Variants in RNF220 observed in about 807,000 individuals in gnomAD.
RNF220 encodes the protein ring finger protein 220, also known as E3 ubiquitin-protein ligase RNF220.
A neutral mutation model predicts 67.1 loss-of-function variants in RNF220; 7 were observed. That is an observed-to-expected ratio of 0.10 (90% CI 0.06 to 0.20). RNF220 has a LOEUF of 0.20. Among genes scored for constraint, RNF220 ranks in the 10% least tolerant of loss-of-function variants. The probability of loss-of-function intolerance (pLI) is 1.00; values close to 1 mark genes in which losing one functional copy is unlikely to be tolerated. For missense variants in RNF220, 565 were observed against 740.3 expected, an observed-to-expected ratio of 0.76 and a Z score of 2.75; for synonymous variants, 270 against 283.2, an observed-to-expected ratio of 0.95 and a Z score of 0.47.
chr1:44,631,289 C>A (rs774283786), intron 5 of RNF220, among the ~76,000 whole-genome samples: 1 of 152,200 alleles, frequency 6.6e-6, no homozygotes, highest in African/African-American at 2.4e-5. Context: ...GTAGGAGATA[C>A]AGAGGTGGAG....
chr1:44,635,792 C>T (rs957888104), intron 7 of RNF220: 13 of 1,334,288 alleles, frequency 9.7e-6, no homozygotes, highest in Admixed American at 2.7e-5. Flanking sequence ...TCCCTTCTGA[C>T]CACTGCTCTC....
In RNF220 at chr1:44,614,281, G is replaced by A. The variant is rs1286562459; in HGVS notation, c.742G>A (p.Ala248Thr). Residue 248 changes from alanine to threonine, a missense_variant, in exon 3 of 15, where the codon GCC (alanine) becomes ACC (threonine). By Grantham distance (58) the Ala-to-Thr change is moderately conservative (BLOSUM62 0). Transcript: ENST00000361799. ...TATGGAGCAGGAACTGGAGCAGCTA[G>A]CCCAACTGCCCTCGAGGTAAGCCAC... is the stretch of plus-strand genomic sequence containing the variant. ...EHMEQELEQL[A>T]QLPSSKNSLL... 1.2e-6 allele frequency: 2 copies of A among 1,613,966 alleles called. No individual in the cohort carries two copies. The highest frequency in any genetic ancestry group is 1.7e-6 in the Non-Finnish European group (2 of 1,179,890).
chr1:44,425,476 G>C (rs896663909), intron 2 of RNF220, among the ~76,000 whole-genome samples: 3 of 152,082 alleles, frequency 2.0e-5, no homozygotes, highest in Admixed American at 6.5e-5. Flanking sequence ...TACTCACTTG[G>C]ACATAGTCTG....
intron 2 of RNF220, among the ~76,000 whole-genome samples, chr1:44,490,023 A>G (rs998170626): frequency 3.3e-5 from 5 of 151,986 alleles, no homozygotes; most frequent in Non-Finnish European, 5.9e-5. Context: ...TTTTTTTTCT[A>G]TGTTCTTTTT....
intron 2 of RNF220, among the ~76,000 whole-genome samples, chr1:44,500,373 C>T (rs562323813): frequency 6.2e-4 from 95 of 152,318 alleles, no homozygotes; most frequent in African/African-American, 2.3e-3. Context: ...TATCTGGAGA[C>T]TTCCCTAACA....
At chr1:44,507,099 G>A (rs1658500710) in intron 2 of RNF220, among the ~76,000 whole-genome samples, 1 of 152,128 alleles carries the variant, frequency 6.6e-6, no homozygotes, top group Non-Finnish European at 1.5e-5. Context: ...GAAAACCAGT[G>A]TTGCTGTCCT....
At chr1:44,641,776 G>T (rs1298883613) in intron 8 of RNF220, among the ~76,000 whole-genome samples, 2 of 152,236 alleles carry the variant, frequency 1.3e-5, no homozygotes, top group Non-Finnish European at 2.9e-5. Flanking sequence ...ACCTGTGGGG[G>T]TAGGGAGAGG....
chr1:44,566,804 G>T (rs1315297114), intron 2 of RNF220, among the ~76,000 whole-genome samples: 1 of 152,172 alleles, frequency 6.6e-6, no homozygotes, highest in East Asian at 1.9e-4. Context: ...ACACAGAAAT[G>T]CCCTTGGAGG....
chr1:44,482,143 A>G (rs935670344), intron 2 of RNF220, among the ~76,000 whole-genome samples: 5 of 152,222 alleles, frequency 3.3e-5, no homozygotes, highest in African/African-American at 7.2e-5. Flanking sequence ...ATTTTCCTAA[A>G]GTTTCTCAAC....
chr1:44,524,463 A>G (rs1208755662), intron 2 of RNF220, among the ~76,000 whole-genome samples: 1 of 151,666 alleles, frequency 6.6e-6, no homozygotes, highest in African/African-American at 2.4e-5. Flanking sequence ...CCCTCCTTCC[A>G]CCCAAACCCG....
intron 2 of RNF220, among the ~76,000 whole-genome samples, chr1:44,446,930 C>T (rs1652165865): frequency 6.6e-6 from 1 of 152,216 alleles, no homozygotes. Context: ...GTTTCATAGA[C>T]ACACCTGCAG....
chr1:44,650,303 T>C lies in RNF220; in HGVS notation c.1629+346T>C. ...GGGCCTTGGCCCCTCCCCCTCCCAT[T>C]ACTAAGCTCCTTCTGCTCCTGCCCC... On this transcript the variant is annotated intron_variant, in intron 14 of 14. Coordinates refer to ENST00000361799, the MANE Select transcript of RNF220 (RefSeq NM_018150.4). This position sits in a 1 kb window ranked among gnomAD's most constrained non-coding sequence, Gnocchi z 4.3. 1 of 488,698 alleles carries C rather than the reference T, an allele frequency of 2.0e-6. No homozygotes were observed. Among genetic ancestry groups the C allele is most frequent in the Non-Finnish European group, 3.7e-6 (1 of 270,440 alleles). 30.3% of individuals were successfully genotyped at this position (488,698 alleles called of 1,614,324 possible).
At chr1:44,570,659 T>C (rs1664374361) in intron 2 of RNF220, among the ~76,000 whole-genome samples, 1 of 152,250 alleles carries the variant, frequency 6.6e-6, no homozygotes, top group Non-Finnish European at 1.5e-5. Context: ...TTCTCCCTCC[T>C]TCACGCTCAT....
intron 2 of RNF220, among the ~76,000 whole-genome samples, chr1:44,423,338 G>A (rs893545762): frequency 5.4e-4 from 83 of 152,336 alleles, no homozygotes; most frequent in African/African-American, 1.9e-3. Context: ...AGTGAGAATA[G>A]AATTGTTCCC....
chr1:44,419,635 A>G (rs1648992081), intron 2 of RNF220: 1 of 152,232 alleles, frequency 6.6e-6, no homozygotes, highest in South Asian at 2.1e-4. Context: ...TTAAGTTTTC[A>G]TCATCTTACC....
chr1:44,633,059 T>G (rs1437206729), intron 6 of RNF220, among the ~76,000 whole-genome samples: 1 of 152,160 alleles, frequency 6.6e-6, no homozygotes, highest in East Asian at 1.9e-4. Flanking sequence ...GTGTGGTATC[T>G]GGGGGGTGGC....
intron 2 of RNF220, among the ~76,000 whole-genome samples, chr1:44,587,782 A>T (rs1199299074): frequency 2.0e-5 from 3 of 152,232 alleles, no homozygotes; most frequent in South Asian, 2.1e-4. Context: ...CCGGCCTTAC[A>T]GGGGCAGTGT....
Position 44,649,039 on chromosome 1 carries a change from C to T in RNF220, c.1446-622C>T. ...GAGGGGGTGCAGAGGGATCACAGTG[C>T]AGAGGCCAAGGCAGTGAAAAAGGTG... is the stretch of plus-strand genomic sequence containing the variant. On this transcript the variant is annotated intron_variant, in intron 12 of 14. Coordinates refer to ENST00000361799, the MANE Select transcript of RNF220 (RefSeq NM_018150.4). The surrounding 1 kb of genome is among the most constrained non-coding windows in gnomAD (Gnocchi z 5.9). 6.3e-6 allele frequency: 1 copy of T among 158,580 alleles called. No homozygotes were observed. The allele number at this position is 158,580 out of a possible 1,614,324, so 9.8% of individuals were successfully genotyped here.
intron 2 of RNF220, among the ~76,000 whole-genome samples, chr1:44,518,039 G>A (rs992124519): frequency 1.3e-5 from 2 of 152,074 alleles, no homozygotes; most frequent in Non-Finnish European, 2.9e-5. Context: ...CCCGGGAGGC[G>A]GAGGTTGCAT....
Sources: allele counts gnomAD v4.1 joint callset (sites outside exome capture counted in the v4.1 genomes callset), GRCh38; gene constraint gnomAD v4.1.1; non-coding constraint Gnocchi (gnomAD v3.1); transcripts MANE v1.5; gene names NCBI Gene and HGNC (gene_info 2026-07-23, HGNC 2026-07-21).